Variants in TAB1 observed in about 807,000 individuals in gnomAD.
TAB1 encodes the protein TGF-beta activated kinase 1 (MAP3K7) binding protein 1.
TAB1 carries 30 observed loss-of-function variants against 54.5 expected under a neutral mutation model. The observed-to-expected ratio is 0.55, with a 90% CI of 0.41 to 0.75. TAB1 has a LOEUF of 0.75. Ranked by LOEUF, TAB1 falls within the 30% of genes least tolerant of loss-of-function variation. The pLI is 0.00. For missense variants in TAB1, 609 were observed against 683.2 expected (o/e 0.89, Z 1.21); for synonymous variants, 289 against 286.9 (o/e 1.01, Z -0.07).
At chr22:39,410,330 A>T (rs1004086065) in intron 1 of TAB1, among the ~76,000 whole-genome samples, 3 of 151,200 alleles carry the variant, frequency 2.0e-5, no homozygotes, top group Non-Finnish European at 4.4e-5. Flanking sequence ...CTAGTCTCAA[A>T]CTCCTGACCT....
intron 4 of TAB1, among the ~76,000 whole-genome samples, chr22:39,417,141 C>T (rs927523807): frequency 6.6e-6 from 1 of 152,216 alleles, no homozygotes; most frequent in Non-Finnish European, 1.5e-5. Context: ...AATGGGTCCC[C>T]GCCCTTGTCA....
At chr22:39,433,248 G>A (rs895472269), downstream of TAB1, 3 of 930,144 alleles carry the variant, frequency 3.2e-6, no homozygotes, top group Non-Finnish European at 3.8e-6. Flanking sequence ...TCAGGAGATC[G>A]AGACCATCCT....
In TAB1 at chr22:39,430,100, C is replaced by A. The variant is rs376520172; in HGVS notation, c.1393C>A (p.Arg465=). The A allele has an allele frequency of 3.1e-6, 5 of 1,613,924 alleles. No individual in the cohort carries two copies. In the African/African-American group the frequency reaches 4.0e-5, roughly 13 times the overall value. The change falls in exon 11 of 11, where the codon CGG becomes AGG. Residue 465 remains arginine (R), a synonymous_variant. Coordinates refer to ENST00000216160, the MANE Select transcript of TAB1 (RefSeq NM_006116.3). ...SSSDGGLFRS[R]PAHSLPPGED... ...CTCTGACGGAGGCCTCTTCCGCTCC[C>A]GGCCCGCCCACTCGCTCCCGCCTGG... is the stretch of plus-strand genomic sequence containing the variant.
chr22:39,426,894 A>G lies in TAB1; in HGVS notation c.1113A>G (p.Glu371=), dbSNP rs1280408907. Residue 371 remains glutamate, a synonymous_variant, in exon 9 of 11, where the codon GAA becomes GAG. Transcript: ENST00000216160. ...LVRNFGYPLG[E]MSQPTPSPAP... ...GGAACTTTGGCTACCCGCTGGGCGA[A>G]ATGAGCCAGCCCACACCGAGCCCAG... 1 of 1,612,516 alleles carries G rather than the reference A, an allele frequency of 6.2e-7. No individual in the cohort carries two copies.
At position 39,430,747 on chromosome 22, in the gene TAB1, C is replaced by T; in HGVS notation, c.*525C>T. The T allele has an allele frequency of 4.9e-6, 5 of 1,013,064 alleles. No homozygotes were observed. Among genetic ancestry groups the T allele is most frequent in the Non-Finnish European group, 5.9e-6 (5 of 844,440 alleles). 62.8% of individuals were successfully genotyped at this position (1,013,064 alleles called of 1,614,324 possible). A position where few individuals can be genotyped will look rare whatever the true frequency, so the allele number is the denominator to read the frequency against. On this transcript the variant is annotated 3_prime_UTR_variant, in exon 11 of 11. Transcript: ENST00000216160. ...TCCGCATCTGTCCCTGGGCCCCACC[C>T]CTGGACCTGCCTTGGTTGTGTCATC...
intron 10 of TAB1, chr22:39,428,989 G>A: frequency 1.1e-6 from 1 of 887,216 alleles, no homozygotes; most frequent in Non-Finnish European, 1.4e-6. Context: ...TGCAGTAGGG[G>A]TGGCCTCTCC....
intron 1 of TAB1, among the ~76,000 whole-genome samples, chr22:39,410,873 A>G (rs996714171): frequency 2.0e-5 from 3 of 152,214 alleles, no homozygotes; most frequent in Admixed American, 1.3e-4. Context: ...TGAAAAGGCA[A>G]AGGAACTCAA....
In TAB1 at chr22:39,426,772, G is replaced by T; in HGVS notation, c.991G>T (p.Val331Leu). Reference protein sequence around the residue: ...TSLDAVAQAVVDRVKRIHSDT... With the variant: ...TSLDAVAQAVLDRVKRIHSDT... ...CCTGGACGCAGTGGCCCAGGCCGTC[G>T]TGGACCGGGTGAAGCGCATCCACAG... Residue 331 changes from valine (V) to leucine (L), a missense_variant, in exon 9 of 11, where the codon GTG becomes TTG. Val to Leu is a conservative substitution (Grantham distance 32). Transcript: ENST00000216160. The T allele has an allele frequency of 6.2e-7, 1 of 1,614,008 alleles. No homozygotes were observed. The highest frequency in any genetic ancestry group is 8.5e-7 in the Non-Finnish European group (1 of 1,179,970).
intron 7 of TAB1, among the ~76,000 whole-genome samples, chr22:39,421,156 T>A (rs2267410): frequency 1.3e-5 from 2 of 152,068 alleles, no homozygotes; most frequent in Non-Finnish European, 2.9e-5. Flanking sequence ...TTGATGAGTT[T>A]GGAGATATGT....
intron 1 of TAB1, among the ~76,000 whole-genome samples, chr22:39,402,263 G>T (rs1335141117): frequency 6.6e-6 from 1 of 152,158 alleles, no homozygotes; most frequent in East Asian, 1.9e-4. Context: ...CAATCCTCCT[G>T]CCTTCGCCTC....
chr22:39,429,312 G>A, intron 10 of TAB1: 1 of 985,428 alleles, frequency 1.0e-6, no homozygotes. Context: ...GCCCTGCTGA[G>A]TAGGTCCTGG....
intron 7 of TAB1, among the ~76,000 whole-genome samples, chr22:39,420,329 G>A (rs752048431): frequency 2.0e-5 from 3 of 152,212 alleles, no homozygotes; most frequent in Non-Finnish European, 2.9e-5. Flanking sequence ...CTGGTCATGG[G>A]GCTTGAACAC....
At chr22:39,411,894 AAGAG>A (rs377146916) in intron 1 of TAB1, among the ~76,000 whole-genome samples, 2 of 152,126 alleles carry the variant, frequency 1.3e-5, no homozygotes, top group Admixed American at 6.5e-5. Flanking sequence ...TACTCTATGA[AAGAG>A]AGAGAGAGAC....
rs1184615813 is a variant in TAB1 at position 39,415,675 on chromosome 22, G to A, written c.324+22G>A. On this transcript the variant is annotated intron_variant, in intron 3 of 10. Transcript: ENST00000216160. The surrounding 1 kb of genome is among the most constrained non-coding windows in gnomAD (Gnocchi z 4.9). ...GCAGGTAATGGTGCCGGGGCCAACA[G>A]TGACCCAGCCACATCATGTCCCCCA... The A allele has an allele frequency of 6.3e-7, 1 of 1,598,348 alleles. No individual in the cohort carries two copies. Among genetic ancestry groups the A allele is most frequent in the Non-Finnish European group, 8.5e-7 (1 of 1,175,814 alleles).
intron 8 of TAB1, among the ~76,000 whole-genome samples, chr22:39,422,464 A>G (rs1277106680): frequency 7.2e-6 from 1 of 138,742 alleles, no homozygotes; most frequent in Non-Finnish European, 1.5e-5. Context: ...GCTAGAGTAC[A>G]GTGGCATGAT....
At chr22:39,414,823 TA>T in intron 1 of TAB1, 182 bp from the exon 2 acceptor site, 2 of 623,286 alleles carry the variant, frequency 3.2e-6, no homozygotes, top group East Asian at 3.1e-5. Context: ...AGACTAGCCA[TA>T]AAAACAGCAA....
chr22:39,415,513 T>G lies in TAB1; in HGVS notation c.184T>G (p.Cys62Gly), dbSNP rs958484379. 3 of 1,613,784 alleles carry G rather than the reference T, an allele frequency of 1.9e-6. No individual in the cohort carries two copies. The highest frequency in any genetic ancestry group is 2.5e-6 in the Non-Finnish European group (3 of 1,179,830). The part of the protein sequence containing the change: ...SWLKFRSENN[C>G]FLYGVFNGYD... ...TCCCTCTTCCAGGAGTGAGAACAACTGCTTCCTGTATGGGGTCTTCAACGG... is the reference window on the plus strand; with the variant it reads ...TCCCTCTTCCAGGAGTGAGAACAACGGCTTCCTGTATGGGGTCTTCAACGG... Residue 62 changes from cysteine (C) to glycine (G), a missense_variant, in exon 3 of 11, where the codon TGC becomes GGC. Coordinates refer to ENST00000216160, the MANE Select transcript of TAB1 (RefSeq NM_006116.3). This position sits in a 1 kb window ranked among gnomAD's most constrained non-coding sequence, Gnocchi z 4.9.
downstream of TAB1, chr22:39,433,535 C>A (rs562941650): frequency 1.0e-6 from 1 of 985,416 alleles, no homozygotes; most frequent in African/African-American, 1.7e-5. Flanking sequence ...TCAGAAATCC[C>A]GTTGTCCCAG....
downstream of TAB1, chr22:39,432,327 G>C (rs1225855722): frequency 6.6e-6 from 1 of 152,290 alleles, no homozygotes; most frequent in Non-Finnish European, 1.5e-5. Context: ...TTTGCTTTGG[G>C]GAAGGATCTT....
Sources: allele counts gnomAD v4.1 joint callset (sites outside exome capture counted in the v4.1 genomes callset), GRCh38; gene constraint gnomAD v4.1.1; non-coding constraint Gnocchi (gnomAD v3.1); transcripts MANE v1.5; gene names NCBI Gene and HGNC (gene_info 2026-07-23, HGNC 2026-07-21).